SAFB2: variants seen among roughly 807,000 people sequenced by gnomAD.
The protein encoded by SAFB2 is scaffold attachment factor B2.
SAFB2 carries 32 observed loss-of-function variants against 100.6 expected under a neutral mutation model. The observed-to-expected ratio is 0.32, with a 90% CI of 0.24 to 0.43. The LOEUF is 0.43. SAFB2 is among the 20% of genes least tolerant of loss of function. SAFB2 has a pLI of 1.00. For missense variants in SAFB2, 1,185 were observed against 1,163.4 expected, an observed-to-expected ratio of 1.02 and a Z score of -0.27; for synonymous variants, 500 against 439.4, an observed-to-expected ratio of 1.14 and a Z score of -1.72.
At chr19:5,602,763 CAATT>C (rs1568217505) in intron 11 of SAFB2, among the ~76,000 whole-genome samples, 1 of 152,184 alleles carries the variant, frequency 6.6e-6, no homozygotes, top group Non-Finnish European at 1.5e-5. Context: ...TACAGAAAAA[CAATT>C]AATGAAACAC....
At chr19:5,598,575 C>T (rs967706977) in intron 13 of SAFB2, 7 of 570,868 alleles carry the variant, frequency 1.2e-5, no homozygotes, top group Non-Finnish European at 2.2e-5. Context: ...ACATCCCGGT[C>T]AGGAGCCAGT....
intron 4 of SAFB2, 121 bp from the exon 5 acceptor site, chr19:5,613,648 C>T: frequency 6.7e-7 from 1 of 1,501,450 alleles, no homozygotes. Context: ...ATCTGCAAGT[C>T]TACTGTTGGG....
chr19:5,603,385 T>C (rs1226288423), intron 11 of SAFB2, among the ~76,000 whole-genome samples: 1 of 152,208 alleles, frequency 6.6e-6, no homozygotes, highest in Non-Finnish European at 1.5e-5. Context: ...ATGTTTACCC[T>C]CTAAACTGCG....
Position 5,621,393 on chromosome 19 carries a change from C to T in SAFB2, c.190G>A (p.Val64Ile). ...TCAGGATCTTGCCCCTCTTCTTTAA[C>T]CGCCTATTAGGGAGAGATGAGTTTT... The part of the protein sequence containing the change: ...SVLMERLKKA[V>I]KEEGQDPDEI... Residue 64 changes from valine (V) to isoleucine (I), a missense_variant, in exon 2 of 21, where the codon GTT (valine) becomes ATT (isoleucine). This residue lies in a region of SAFB2 where 351 missense variants were observed against 341.2 expected (regional missense o/e 1.03). Coordinates refer to ENST00000252542, the MANE Select transcript of SAFB2 (RefSeq NM_014649.3). 1 of 1,606,962 alleles carries T rather than the reference C, an allele frequency of 6.2e-7. No individual in the cohort carries two copies. The highest frequency in any genetic ancestry group is 2.2e-5 in the East Asian group (1 of 44,854).
chr19:5,608,979 G>C (rs1028760766), intron 9 of SAFB2, among the ~76,000 whole-genome samples: 2 of 150,144 alleles, frequency 1.3e-5, no homozygotes, highest in African/African-American at 4.9e-5. Flanking sequence ...ACCTGGGAGG[G>C]AGGCGGAGGC....
At chr19:5,605,045 A>G (rs2052744148) in intron 9 of SAFB2, 109 bp from the exon 10 acceptor site, 1 of 1,266,420 alleles carries the variant, frequency 7.9e-7, no homozygotes, top group African/African-American at 1.5e-5. Context: ...CTCTCCCCAT[A>G]TGGTAGTTTT....
chr19:5,620,516 A>C (rs1322480060), intron 2 of SAFB2, among the ~76,000 whole-genome samples: 1 of 152,282 alleles, frequency 6.6e-6, no homozygotes, highest in African/African-American at 2.4e-5. Context: ...TGAAGTATCA[A>C]TACATGTTAC....
Position 5,610,027 on chromosome 19 carries a change from C to T in SAFB2, c.1264G>A (p.Asp422Asn). 6.2e-7 allele frequency: 1 copy of T among 1,614,134 alleles called. No individual in the cohort carries two copies. Among genetic ancestry groups the T allele is most frequent in the Non-Finnish European group, 8.5e-7 (1 of 1,180,002 alleles). Residue 422 changes from aspartate to asparagine, a missense_variant, in exon 9 of 21, where the codon GAT becomes AAT. Asp to Asn is a conservative substitution (Grantham distance 23, BLOSUM62 1). Around this residue, in one of 3 missense-constraint regions of SAFB2, gnomAD observed 94 missense variants for 135.1 expected, o/e 0.70. Coordinates refer to ENST00000252542, the MANE Select transcript of SAFB2 (RefSeq NM_014649.3). ...TACTTGCTGAAAAGGTTCTTGAGAT[C>T]CGTAGCGCGTGTTGTGGAGGACAGC... ...SGLSSTTRAT[D>N]LKNLFSKYGK...
chr19:5,598,601 G>T, intron 13 of SAFB2, 192 bp downstream of exon 13: 2 of 593,880 alleles, frequency 3.4e-6, no homozygotes, highest in East Asian at 5.8e-5. Context: ...AAGCAAACAC[G>T]GATGGGCACT....
rs956786452 is a variant in SAFB2, at chr19:5,596,093, T to C, written c.1783-596A>G. Among the ~76,000 whole-genome samples, 8 of 152,246 alleles carry C rather than the reference T, an allele frequency of 5.3e-5. No individual in the cohort carries two copies. The South Asian group carries it at 1.7e-3, about 32-fold the overall frequency. The stretch of plus-strand genomic sequence containing the variant: ...GCCTGACCAACATGGTGAAACCCCG[T>C]CTCAACTAAAAATACAAAAATTAGC... On this transcript the variant is annotated intron_variant, in intron 13 of 20. Transcript: ENST00000252542.
At chr19:5,596,800 C>G (rs1355264916) in intron 13 of SAFB2, among the ~76,000 whole-genome samples, 3 of 151,900 alleles carry the variant, frequency 2.0e-5, no homozygotes, top group African/African-American at 7.3e-5. Context: ...CCTGCTGATC[C>G]ACACAGAATC....
At chr19:5,611,856 A>G (rs1486596224) in intron 6 of SAFB2, 2 of 722,160 alleles carry the variant, frequency 2.8e-6, no homozygotes, top group East Asian at 2.8e-5. Flanking sequence ...AGGCCCCCAC[A>G]GATTTAAACA....
intron 4 of SAFB2, among the ~76,000 whole-genome samples, chr19:5,615,555 AT>A (rs1187266546): frequency 2.0e-5 from 3 of 150,574 alleles, no homozygotes; most frequent in South Asian, 2.1e-4. Flanking sequence ...AAAAAAAAAA[AT>A]TTTTTTTTAA....
At chr19:5,593,744 C>T (rs1026111169) in intron 15 of SAFB2, 147 bp downstream of exon 15, 4 of 826,970 alleles carry the variant, frequency 4.8e-6, no homozygotes, top group Non-Finnish European at 7.0e-6. Flanking sequence ...GCAGTGAGAT[C>T]GGCGGGGGGT....
intron 2 of SAFB2, among the ~76,000 whole-genome samples, chr19:5,618,130 G>A (rs910073167): frequency 2.0e-5 from 3 of 152,122 alleles, no homozygotes; most frequent in African/African-American, 4.8e-5. Flanking sequence ...GAGTAAGACC[G>A]AGTCTCTCTA....
At chr19:5,591,679 T>C in intron 17 of SAFB2, 69 bp downstream of exon 17, 2 of 1,516,890 alleles carry the variant, frequency 1.3e-6, no homozygotes. Context: ...GCCGCCTGGC[T>C]AGAAATGGTC....
intron 2 of SAFB2, among the ~76,000 whole-genome samples, chr19:5,620,035 G>A (rs1371248610): frequency 4.6e-5 from 7 of 152,282 alleles, no homozygotes; most frequent in Non-Finnish European, 1.0e-4. Context: ...CTAAACAGAA[G>A]AGATAAACTA....
At chr19:5,594,557 G>A (rs1032531538) in intron 14 of SAFB2, among the ~76,000 whole-genome samples, 4 of 152,260 alleles carry the variant, frequency 2.6e-5, no homozygotes, top group Non-Finnish European at 5.9e-5. Flanking sequence ...AGGGAGCCGC[G>A]GCAAAATGAC....
At chr19:5,593,018 A>C in intron 15 of SAFB2, 131 bp from the exon 16 acceptor site, 1 of 791,516 alleles carries the variant, frequency 1.3e-6, no homozygotes, top group East Asian at 2.7e-5. Flanking sequence ...CTGCAGGGCT[A>C]ATCTCTAAAC....
Sources: gnomAD v4.1 joint callset for allele counts (sites outside exome capture counted in the v4.1 genomes callset) on GRCh38, gnomAD v4.1.1 for gene constraint, gnomAD v4.1.1 regional missense constraint, MANE v1.5 for transcripts, NCBI Gene and HGNC (gene_info 2026-07-23, HGNC 2026-07-21) for gene names.